The following IGSF6 variants were observed in gnomAD, a reference collection of about 807,000 sequenced individuals.
The protein encoded by IGSF6 is immunoglobulin superfamily member 6.
In IGSF6, 23 loss-of-function variants were observed where a neutral mutation model predicts 24.7. The observed-to-expected ratio is 0.93, with a 90% CI of 0.67 to 1.32. The LOEUF (loss-of-function observed/expected upper bound fraction) is 1.32, where lower values mean the gene tolerates loss of function less well. IGSF6 is among the 40% of genes most tolerant of loss of function. The probability of loss-of-function intolerance (pLI) is 0.00; values close to 1 mark genes in which losing one functional copy is unlikely to be tolerated. For missense variants in IGSF6, 295 were observed against 293.6 expected, an observed-to-expected ratio of 1.00 and a Z score of -0.04; for synonymous variants, 110 against 113.7, an observed-to-expected ratio of 0.97 and a Z score of 0.21.
At chr16:21,649,410 A>G (rs1966512340) in intron 1 of IGSF6, among the ~76,000 whole-genome samples, 1 of 152,166 alleles carries the variant, frequency 6.6e-6, no homozygotes, top group Non-Finnish European at 1.5e-5. Context: ...GGAGGCCTGC[A>G]AGCTTCTCTG....
chr16:21,648,369 T>C (rs1037196029), intron 1 of IGSF6, among the ~76,000 whole-genome samples: 6 of 152,182 alleles, frequency 3.9e-5, no homozygotes, highest in African/African-American at 1.4e-4. Context: ...TAGTGTGACG[T>C]TCAAGATGAT....
intron 1 of IGSF6, chr16:21,652,232 G>T: frequency 4.2e-6 from 1 of 239,702 alleles, no homozygotes. Flanking sequence ...AAGTTTGTAT[G>T]ATAATTAAAT....
intron 1 of IGSF6, among the ~76,000 whole-genome samples, chr16:21,649,916 C>T (rs1180917443): frequency 6.6e-6 from 1 of 152,040 alleles, no homozygotes; most frequent in Non-Finnish European, 1.5e-5. Context: ...GCGATGTTGG[C>T]CAGCCTGGTC....
intron 2 of IGSF6, chr16:21,646,647 G>A: frequency 4.4e-6 from 1 of 224,924 alleles, no homozygotes; most frequent in South Asian, 6.2e-5. Context: ...GTTCGAGATG[G>A]ATTGGAGTAG....
chr16:21,644,226 A>G lies in IGSF6; in HGVS notation c.534+64T>C, dbSNP rs1966358357. ...GCCCATAACTTGTGGAGAGATAGAA[A>G]TTATTTTTCTTTTGATAATATTCAA... On this transcript the variant is annotated intron_variant, in intron 3 of 5. Transcript: ENST00000268389. 5.1e-6 allele frequency: 6 copies of G among 1,179,654 alleles called. No individual in the cohort carries two copies. In the South Asian group the frequency reaches 7.4e-5, roughly 15 times the overall value. 73.1% of individuals were successfully genotyped at this position (1,179,654 alleles called of 1,614,324 possible).
intron 3 of IGSF6, among the ~76,000 whole-genome samples, 181 bp from the exon 4 acceptor site, chr16:21,643,779 C>A (rs1200069855): frequency 6.6e-6 from 1 of 152,124 alleles, no homozygotes; most frequent in Non-Finnish European, 1.5e-5. Flanking sequence ...AACAAACTGA[C>A]GTTGATTGTA....
chr16:21,641,504 T>G lies in IGSF6; in HGVS notation c.*30A>C. The G allele has an allele frequency of 1.4e-6, 2 of 1,434,902 alleles. No homozygotes were observed. The highest frequency in any genetic ancestry group is 1.9e-6 in the Non-Finnish European group (2 of 1,026,208). The allele number at this position is 1,434,902 out of a possible 1,614,324, so 88.9% of individuals were successfully genotyped here. ...TGCCATAGCTCCTGGAGTTGGATTTTCAGTGACTTCATTGAAAATTAAAAC... is the reference window on the plus strand; with the variant it reads ...TGCCATAGCTCCTGGAGTTGGATTTGCAGTGACTTCATTGAAAATTAAAAC... On this transcript the variant is annotated 3_prime_UTR_variant, in exon 6 of 6. Coordinates refer to ENST00000268389, the MANE Select transcript of IGSF6 (RefSeq NM_005849.4).
intron 1 of IGSF6, among the ~76,000 whole-genome samples, chr16:21,651,162 G>T (rs1000074434): frequency 2.6e-5 from 4 of 152,180 alleles, no homozygotes; most frequent in African/African-American, 9.6e-5. Flanking sequence ...GGCGGAGCTT[G>T]CAGTGAGCCG....
chr16:21,644,424 A>T, intron 2 of IGSF6, 28 bp from the exon 3 acceptor site: 1 of 1,472,876 alleles, frequency 6.8e-7, no homozygotes, highest in Non-Finnish European at 9.5e-7. Context: ...AAAGAAGCAC[A>T]TTGACTATTA....
At chr16:21,642,685 A>G (rs1966304081) in intron 5 of IGSF6, among the ~76,000 whole-genome samples, 1 of 152,098 alleles carries the variant, frequency 6.6e-6, no homozygotes, top group African/African-American at 2.4e-5. Context: ...CTTATAAGTA[A>G]CAAGTAATTT....
chr16:21,647,873 C>T (rs749702742), intron 1 of IGSF6, among the ~76,000 whole-genome samples: 2 of 152,184 alleles, frequency 1.3e-5, no homozygotes, highest in Non-Finnish European at 2.9e-5. Context: ...GCTTTCTTGT[C>T]CGCACCCTGG....
chr16:21,644,145 A>T, intron 3 of IGSF6, 145 bp downstream of exon 3: 1 of 603,216 alleles, frequency 1.7e-6, no homozygotes. Context: ...CCTCTTCTGC[A>T]GGTGGTGTTC....
Position 21,644,413 on chromosome 16 carries a change from GA to G in IGSF6, c.428-18del. ...GCTTAATTTCTTAATGACAAAAACA[GA>G]AAGAAGCACATTGACTATTAAAGCC... On this transcript the variant is annotated intron_variant, in intron 2 of 5. Transcript: ENST00000268389. The G allele has an allele frequency of 6.5e-7, 1 of 1,544,306 alleles. No homozygotes were observed. The highest frequency in any genetic ancestry group is 9.0e-7 in the Non-Finnish European group (1 of 1,117,026).
At position 21,643,466 on chromosome 16, in the gene IGSF6, T is replaced by C. The variant is rs147219553; in HGVS notation, c.585+82A>G. The C allele has an allele frequency of 9.8e-4, 880 of 900,552 alleles. 12 individuals carry two copies. In the African/African-American group the frequency reaches 0.013, roughly 13 times the overall value. The allele number at this position is 900,552 out of a possible 1,614,324, so 55.8% of individuals were successfully genotyped here. ...TGTTTAAACTTAACATTTAAATATT[T>C]AAAAGCTAAAAAATATTTCAGTTTT... On this transcript the variant is annotated intron_variant, in intron 4 of 5. Transcript: ENST00000268389.
intron 3 of IGSF6, among the ~76,000 whole-genome samples, chr16:21,643,920 A>G (rs970412736): frequency 6.6e-6 from 1 of 152,050 alleles, no homozygotes; most frequent in African/African-American, 2.4e-5. Flanking sequence ...TCATCAACCC[A>G]TTTTTGTTCT....
At chr16:21,649,303 C>G (rs1966509454) in intron 1 of IGSF6, among the ~76,000 whole-genome samples, 1 of 152,100 alleles carries the variant, frequency 6.6e-6, no homozygotes, top group African/African-American at 2.4e-5. Context: ...CTCTTCTCAT[C>G]ATGTTATATT....
chr16:21,642,501 G>A (rs1966298498), intron 5 of IGSF6: 1 of 152,064 alleles, frequency 6.6e-6, no homozygotes, highest in Non-Finnish European at 1.5e-5. Flanking sequence ...TGTTCTATTG[G>A]CATTAAGATA....
chr16:21,640,115 A>G lies in IGSF6; in HGVS notation c.*1419T>C, dbSNP rs1288137175. 6.7e-6 allele frequency: 1 copy of G among 149,090 alleles called. No homozygotes were observed. Among genetic ancestry groups the G allele is most frequent in the Non-Finnish European group, 1.5e-5 (1 of 66,156 alleles). The allele number at this position is 149,090 out of a possible 1,614,324, so 9.2% of individuals were successfully genotyped here. A position where few individuals can be genotyped will look rare whatever the true frequency, so the allele number is the denominator to read the frequency against. On this transcript the variant is annotated 3_prime_UTR_variant, in exon 6 of 6. Transcript: ENST00000268389. ...ACCAAACCCCGCTAAATTTTTTTGT[A>G]TTTTTAGTAGAGACGGGTTTCATCA...
At chr16:21,650,728 T>C (rs1966551420) in intron 1 of IGSF6, among the ~76,000 whole-genome samples, 1 of 152,090 alleles carries the variant, frequency 6.6e-6, no homozygotes, top group Non-Finnish European at 1.5e-5. Context: ...GAAACTGTGG[T>C]TCCCTCCCCC....
Sources: allele counts gnomAD v4.1 joint callset (sites outside exome capture counted in the v4.1 genomes callset), GRCh38; gene constraint gnomAD v4.1.1; transcripts MANE v1.5; gene names NCBI Gene and HGNC (gene_info 2026-07-23, HGNC 2026-07-21).